The following UBE2F variants were observed in gnomAD, a reference collection of about 807,000 sequenced individuals.
The protein encoded by UBE2F is NEDD8-conjugating enzyme UBE2F.
Under a neutral mutation model 29.6 loss-of-function variants are expected in UBE2F, and 5 were observed. That is an observed-to-expected ratio of 0.17 (90% confidence interval 0.09 to 0.36). UBE2F has a LOEUF of 0.36. Ranked by LOEUF, UBE2F falls within the 10% of genes least tolerant of loss-of-function variation. UBE2F has a pLI of 1.00. For synonymous variants in UBE2F, 66 were observed against 81.8 expected, an observed-to-expected ratio of 0.81 and a Z score of 1.04; for missense variants, 141 against 228.5, an observed-to-expected ratio of 0.62 and a Z score of 2.47.
At chr2:237,990,050 G>A (rs1362149022) in intron 3 of UBE2F, among the ~76,000 whole-genome samples, 2 of 151,342 alleles carry the variant, frequency 1.3e-5, no homozygotes, top group Non-Finnish European at 2.9e-5. Context: ...CCCAGGAGGC[G>A]GAGGTTGCGG....
intron 1 of UBE2F, 96 bp from the exon 2 acceptor site, chr2:237,972,996 A>G: frequency 7.2e-7 from 1 of 1,391,908 alleles, no homozygotes; most frequent in Non-Finnish European, 9.6e-7. Context: ...ATTGTGGGAA[A>G]AAATCAAAAT....
intron 3 of UBE2F, among the ~76,000 whole-genome samples, chr2:237,994,111 T>C (rs1179269535): frequency 2.6e-4 from 3 of 11,560 alleles, no homozygotes; most frequent in Non-Finnish European, 7.6e-4. Flanking sequence ...TTCTTCTTCT[T>C]TTTTTTTTTT....
intron 3 of UBE2F, among the ~76,000 whole-genome samples, chr2:237,994,416 A>G (rs1035186416): frequency 1.3e-5 from 2 of 152,126 alleles, no homozygotes; most frequent in Admixed American, 6.5e-5. Context: ...TCTCCCTGAG[A>G]TATGGTTTCT....
chr2:237,967,298 G>C lies in UBE2F; in HGVS notation c.-17+166G>C, dbSNP rs1462731298. Among the ~76,000 whole-genome samples the C allele has an allele frequency of 6.8e-6, 1 of 146,424 alleles. No homozygotes were observed. The highest frequency in any genetic ancestry group is 2.0e-4 in the East Asian group (1 of 5,086). On this transcript the variant is annotated intron_variant, in intron 1 of 9. Coordinates refer to ENST00000272930, the MANE Select transcript of UBE2F (RefSeq NM_080678.3). The surrounding 1 kb of genome is among the most constrained non-coding windows in gnomAD (Gnocchi z 6.3). ...GGCGCGGGCACCCGGACGCGAGGCC[G>C]AGCGGCGTGAATGGGAAGGGGCCGC...
At chr2:238,008,899 CT>C (rs2063959529) in intron 4 of UBE2F, among the ~76,000 whole-genome samples, 1 of 152,170 alleles carries the variant, frequency 6.6e-6, no homozygotes, top group African/African-American at 2.4e-5. Flanking sequence ...CCCTCATTCC[CT>C]TTTGTAGATC....
In UBE2F at chr2:238,034,081, C is replaced by T. The variant is rs182530554; in HGVS notation, c.445-1797C>T. ...TGAATAGGTTTTAACTGGCAACTTG[C>T]TGCAGGGGAATTAATGGGAGGAAAG... is the stretch of plus-strand genomic sequence containing the variant. On this transcript the variant is annotated intron_variant, in intron 8 of 9. Coordinates refer to ENST00000272930, the MANE Select transcript of UBE2F (RefSeq NM_080678.3). Among the ~76,000 whole-genome samples the T allele has an allele frequency of 9.9e-5, 15 of 152,024 alleles. No homozygotes were observed. The East Asian group carries it at 2.9e-3, about 29-fold the overall frequency.
chr2:237,998,980 T>C (rs1407306162), intron 4 of UBE2F, among the ~76,000 whole-genome samples: 1 of 152,228 alleles, frequency 6.6e-6, no homozygotes, highest in Admixed American at 6.5e-5. Context: ...TACAAGTCTT[T>C]TGTCAGATGC....
rs1162304454 is a variant in UBE2F, at chr2:238,022,175, C to CTTTTTTTTTTTTTTTTTT, written c.283-3156_283-3155insTTTTTTTTTTTTTTTTTT. Reference sequence around the variant, plus strand: ...ATTTCTTTTTCTTTTCTTTTCTTTTCTTTTTTTTTTTGGAGACAGAGTCTT... The same window carrying CTTTTTTTTTTTTTTTTTT: ...ATTTCTTTTTCTTTTCTTTTCTTTTCTTTTTTTTTTTTTTTTTTTTTTTTTTTTTGGAGACAGAGTCTT... On this transcript the variant is annotated intron_variant, in intron 5 of 9. Coordinates refer to ENST00000272930, the MANE Select transcript of UBE2F (RefSeq NM_080678.3). 8.3e-3 allele frequency among the ~76,000 whole-genome samples: 522 copies of CTTTTTTTTTTTTTTTTTT among 62,982 alleles called. 10 individuals carry two copies. Among genetic ancestry groups the CTTTTTTTTTTTTTTTTTT allele is most frequent in the East Asian group, 0.013 (9 of 670 alleles). 41.3% of individuals were successfully genotyped at this position (62,982 alleles called of 152,430 possible). A position where few individuals can be genotyped will look rare whatever the true frequency, so the allele number is the denominator to read the frequency against.
At chr2:238,032,176 T>G (rs769248563) in intron 7 of UBE2F, 46 bp from the exon 8 acceptor site, 1 of 1,516,202 alleles carries the variant, frequency 6.6e-7, no homozygotes, top group African/African-American at 1.4e-5. Context: ...AAAGACTAGG[T>G]GCACTTTGGC....
At chr2:238,020,037 T>C (rs566344087) in intron 5 of UBE2F, among the ~76,000 whole-genome samples, 2 of 152,294 alleles carry the variant, frequency 1.3e-5, no homozygotes, top group South Asian at 2.1e-4. Context: ...GGCCAGCATA[T>C]GTCACTGGTG....
At chr2:237,973,312 C>T (rs1207885755) in intron 2 of UBE2F, 87 bp downstream of exon 2, 2 of 1,415,302 alleles carry the variant, frequency 1.4e-6, no homozygotes, top group African/African-American at 1.4e-5. Flanking sequence ...AAGCAACCTA[C>T]TGCTGAATAG....
intron 8 of UBE2F, among the ~76,000 whole-genome samples, chr2:238,033,715 CAA>C (rs548870756): frequency 2.7e-4 from 41 of 152,334 alleles, no homozygotes; most frequent in Non-Finnish European, 5.7e-4. Context: ...GCAGAGAAAT[CAA>C]GCACTTCCAG....
intron 5 of UBE2F, among the ~76,000 whole-genome samples, chr2:238,017,050 A>G (rs2064171799): frequency 6.6e-6 from 1 of 152,242 alleles, no homozygotes; most frequent in Non-Finnish European, 1.5e-5. Context: ...TTATACCTAT[A>G]GTTTCATGTT....
At chr2:238,015,240 C>T (rs1559219628) in intron 4 of UBE2F, among the ~76,000 whole-genome samples, 1 of 151,998 alleles carries the variant, frequency 6.6e-6, no homozygotes, top group Non-Finnish European at 1.5e-5. Context: ...GTTCAGAAAC[C>T]ACAAAATCAA....
At chr2:238,029,663 C>A (rs1445571883) in intron 6 of UBE2F, among the ~76,000 whole-genome samples, 1 of 151,744 alleles carries the variant, frequency 6.6e-6, no homozygotes, top group African/African-American at 2.4e-5. Flanking sequence ...TGTTAACCTG[C>A]ATCAGCAGTG....
intron 2 of UBE2F, among the ~76,000 whole-genome samples, chr2:237,973,950 A>G (rs1317724515): frequency 6.6e-6 from 1 of 152,200 alleles, no homozygotes; most frequent in Non-Finnish European, 1.5e-5. Context: ...TGCAACCTTT[A>G]AGGAGATTAT....
At chr2:238,001,005 T>C (rs1463191666) in intron 4 of UBE2F, among the ~76,000 whole-genome samples, 1 of 151,318 alleles carries the variant, frequency 6.6e-6, no homozygotes, top group Non-Finnish European at 1.5e-5. Flanking sequence ...TTGTCTTTTA[T>C]TTTTTATTTT....
intron 1 of UBE2F, among the ~76,000 whole-genome samples, chr2:237,971,504 A>G (rs7605076): frequency 0.42 from 64,372 of 151,758 alleles, 13,957 homozygotes; most frequent in East Asian, 0.71. Flanking sequence ...TTTGTATTTT[A>G]GTAGAGACGG....
At chr2:237,997,138 A>G (rs1223646826) in intron 4 of UBE2F, among the ~76,000 whole-genome samples, 1 of 152,056 alleles carries the variant, frequency 6.6e-6, no homozygotes, top group East Asian at 1.9e-4. Context: ...GAGGCAGGAG[A>G]ATTGCTTGAA....
Sources: gnomAD v4.1 joint callset for allele counts (sites outside exome capture counted in the v4.1 genomes callset) on GRCh38, gnomAD v4.1.1 for gene constraint, Gnocchi (gnomAD v3.1) non-coding constraint, MANE v1.5 for transcripts, NCBI Gene and HGNC (gene_info 2026-07-23, HGNC 2026-07-21) for gene names.